Variants in ACSS2 observed in about 807,000 individuals in gnomAD.
ACSS2 encodes the protein acyl-CoA synthetase short chain family member 2.
A neutral mutation model predicts 90.6 loss-of-function variants in ACSS2; 58 were observed. The observed-to-expected ratio is 0.64, with a 90% confidence interval of 0.52 to 0.80. The LOEUF (loss-of-function observed/expected upper bound fraction) is 0.80. ACSS2 is among the 30% of genes least tolerant of loss of function. The probability of loss-of-function intolerance (pLI) is 0.00; values close to 1 mark genes in which losing one functional copy is unlikely to be tolerated. For synonymous variants in ACSS2, 300 were observed against 330.9 expected (o/e 0.91, Z 1.01); for missense variants, 759 against 912.0 (o/e 0.83, Z 2.16).
intron 16 of ACSS2, 147 bp downstream of exon 16, chr20:34,926,428 G>A: frequency 1.4e-6 from 1 of 704,154 alleles, no homozygotes; most frequent in South Asian, 1.9e-5. Context: ...CCCTCTTCCT[G>A]TTCAGTCTCC....
At position 34,910,999 on chromosome 20, in the gene ACSS2, A is replaced by AT. The variant is rs879824461; in HGVS notation, c.375-2084dup. 6.3e-4 allele frequency among the ~76,000 whole-genome samples: 90 copies of AT among 142,410 alleles called. 1 individual carries two copies. The highest frequency in any genetic ancestry group is 3.4e-3 in the South Asian group (15 of 4,440). 93.4% of individuals were successfully genotyped at this position (142,410 alleles called of 152,430 possible). ...CACCATGCTCAGCTAATTGAAAACGATTTTTTTTTTTTTAGCAATGAGGTT... is the reference window on the plus strand; with the variant it reads ...CACCATGCTCAGCTAATTGAAAACGATTTTTTTTTTTTTTAGCAATGAGGTT... On this transcript the variant is annotated intron_variant, in intron 2 of 17. Coordinates refer to ENST00000360596, the MANE Select transcript of ACSS2 (RefSeq NM_018677.4).
At chr20:34,908,033 A>T (rs2080852331) in intron 2 of ACSS2, among the ~76,000 whole-genome samples, 1 of 152,228 alleles carries the variant, frequency 6.6e-6, no homozygotes, top group East Asian at 1.9e-4. Flanking sequence ...TGGCTCTGCC[A>T]CTTATTATTG....
intron 2 of ACSS2, among the ~76,000 whole-genome samples, chr20:34,885,610 T>C (rs1340705913): frequency 6.6e-6 from 1 of 152,232 alleles, no homozygotes; most frequent in Non-Finnish European, 1.5e-5. Flanking sequence ...AGATTCCCAA[T>C]GTGTATTAGC....
chr20:34,912,058 T>G (rs1380453744), intron 2 of ACSS2, among the ~76,000 whole-genome samples: 2 of 151,792 alleles, frequency 1.3e-5, no homozygotes, highest in African/African-American at 4.8e-5. Flanking sequence ...CTTCAGGTCA[T>G]CTACCTGCCT....
intron 15 of ACSS2, 108 bp from the exon 16 acceptor site, chr20:34,925,996 AG>A (rs2081310505): frequency 8.3e-7 from 1 of 1,202,570 alleles, no homozygotes; most frequent in East Asian, 2.4e-5. Context: ...GAGTGAATGA[AG>A]GGTCTTCTCC....
intron 2 of ACSS2, among the ~76,000 whole-genome samples, chr20:34,885,985 T>TTTTTTTTTTTTTTTTTTTGAGACGGA (rs2080182485): frequency 6.6e-6 from 1 of 151,922 alleles, no homozygotes; most frequent in African/African-American, 2.4e-5. Flanking sequence ...AATTATTTTA[T>TTTTTTTTTTTTTTTTTTTGAGACGGA]GTTTATAGTA....
rs889751694 is a variant in ACSS2, at chr20:34,924,734, C to T, written c.1658-964C>T. Among the ~76,000 whole-genome samples the T allele has an allele frequency of 3.0e-4, 46 of 151,656 alleles. 1 individual carries two copies. The highest frequency in any genetic ancestry group is 1.1e-3 in the African/African-American group (46 of 41,236). On this transcript the variant is annotated intron_variant, in intron 14 of 17. Coordinates refer to ENST00000360596, the MANE Select transcript of ACSS2 (RefSeq NM_018677.4). ...TTTTTTTTTGAGACAGAATCTCACTCTGTCACCCAGGCTGGAGTGCGGTGG... is the reference window on the plus strand; with the variant it reads ...TTTTTTTTTGAGACAGAATCTCACTTTGTCACCCAGGCTGGAGTGCGGTGG...
In ACSS2 at chr20:34,891,476, G is replaced by GTTTA. The variant is rs906707344; in HGVS notation, c.374+8504_374+8507dup. On this transcript the variant is annotated intron_variant, in intron 2 of 17. Transcript: ENST00000360596. The stretch of plus-strand genomic sequence containing the variant: ...GATGGTAAGAAAGAGGGAGGATTTT[G>GTTTA]TTTATTTATTTATTTATTTAATTTA... Among the ~76,000 whole-genome samples, 9 of 152,202 alleles carry GTTTA rather than the reference G, an allele frequency of 5.9e-5. No individual in the cohort carries two copies. In the East Asian group the frequency reaches 9.6e-4, roughly 16 times the overall value.
At chr20:34,890,769 A>G (rs1321290153) in intron 2 of ACSS2, among the ~76,000 whole-genome samples, 2 of 152,108 alleles carry the variant, frequency 1.3e-5, no homozygotes, top group South Asian at 2.1e-4. Context: ...GGCTCTCAGT[A>G]TATTTCAATC....
chr20:34,917,391 C>T (rs2081096768), intron 7 of ACSS2, among the ~76,000 whole-genome samples: 2 of 152,180 alleles, frequency 1.3e-5, no homozygotes, highest in African/African-American at 2.4e-5. Context: ...CTCTCTTCTT[C>T]CTTTTTCTAG....
chr20:34,898,356 T>C (rs2080520116), intron 2 of ACSS2, among the ~76,000 whole-genome samples: 2 of 152,142 alleles, frequency 1.3e-5, no homozygotes, highest in Non-Finnish European at 2.9e-5. Context: ...ATCCCTGAGC[T>C]AGACACAAAG....
intron 9 of ACSS2, 92 bp from the exon 10 acceptor site, chr20:34,920,914 A>G (rs1433833986): frequency 6.3e-7 from 1 of 1,576,284 alleles, no homozygotes; most frequent in East Asian, 2.2e-5. Context: ...GGTTGGTCAG[A>G]AAGGGCAAAA....
At chr20:34,914,860 C>T (rs888975014) in intron 7 of ACSS2, among the ~76,000 whole-genome samples, 5 of 152,092 alleles carry the variant, frequency 3.3e-5, no homozygotes, top group African/African-American at 1.2e-4. Flanking sequence ...CACAATATGG[C>T]CTTTGTTAGC....
At chr20:34,884,078 T>A (rs901079298) in intron 2 of ACSS2, among the ~76,000 whole-genome samples, 1 of 152,168 alleles carries the variant, frequency 6.6e-6, no homozygotes, top group African/African-American at 2.4e-5. Context: ...CCTGAGTAGG[T>A]GGGACTACAG....
chr20:34,925,791 A>G (rs1254706949), intron 15 of ACSS2, 25 bp downstream of exon 15: 8 of 1,606,868 alleles, frequency 5.0e-6, no homozygotes, highest in Non-Finnish European at 5.1e-6. Flanking sequence ...CCACCTTCCC[A>G]TCTTATTAAC....
intron 2 of ACSS2, among the ~76,000 whole-genome samples, chr20:34,899,422 CT>C (rs772353196): frequency 3.4e-4 from 40 of 118,942 alleles, no homozygotes; most frequent in Non-Finnish European, 5.6e-4. Context: ...TTCTTTCTTT[CT>C]TTCCTTCCTT....
intron 2 of ACSS2, among the ~76,000 whole-genome samples, chr20:34,910,268 A>G (rs2080920981): frequency 6.6e-6 from 1 of 152,166 alleles, no homozygotes; most frequent in East Asian, 1.9e-4. Flanking sequence ...GTCATTCCAC[A>G]CTAGTTGAAT....
intron 7 of ACSS2, among the ~76,000 whole-genome samples, chr20:34,915,727 T>C (rs2081064212): frequency 6.6e-6 from 1 of 152,218 alleles, no homozygotes; most frequent in Non-Finnish European, 1.5e-5. Context: ...TACATTTATA[T>C]AGTGCTTTGG....
chr20:34,913,849 T>A, intron 5 of ACSS2, 24 bp downstream of exon 5: 2 of 1,608,074 alleles, frequency 1.2e-6, no homozygotes, highest in Non-Finnish European at 1.7e-6. Context: ...TCACCTCTTC[T>A]CCAGAACCCC....
Sources: allele counts gnomAD v4.1 joint callset (sites outside exome capture counted in the v4.1 genomes callset), GRCh38; gene constraint gnomAD v4.1.1; transcripts MANE v1.5; gene names NCBI Gene and HGNC (gene_info 2026-07-23, HGNC 2026-07-21).